Variants in PEX3 observed in about 807,000 individuals in gnomAD.
The protein encoded by PEX3 is peroxin-3.
Under a neutral mutation model 55.8 loss-of-function variants are expected in PEX3, and 30 were observed. That is an observed-to-expected ratio of 0.54 (90% CI 0.40 to 0.73). The LOEUF (loss-of-function observed/expected upper bound fraction) is 0.73, where lower values mean the gene tolerates loss of function less well. Among genes scored for constraint, PEX3 ranks in the 30% least tolerant of loss-of-function variants. PEX3 has a pLI of 0.00. For synonymous variants in PEX3, 135 were observed against 148.4 expected (o/e 0.91, Z 0.66); for missense variants, 351 against 432.8 (o/e 0.81, Z 1.68).
chr6:143,484,545 A>T (rs977712913), intron 10 of PEX3, among the ~76,000 whole-genome samples: 1 of 152,032 alleles, frequency 6.6e-6, no homozygotes, highest in African/African-American at 2.4e-5. Context: ...AGTAGGGGGG[A>T]AATACTCAAC....
chr6:143,479,210 T>C lies in PEX3; in HGVS notation c.941+12T>C, dbSNP rs762228722. On this transcript the variant is annotated intron_variant, in intron 10 of 11. Coordinates refer to ENST00000367591, the MANE Select transcript of PEX3 (RefSeq NM_003630.3). This position sits in a 1 kb window ranked among gnomAD's most constrained non-coding sequence, Gnocchi z 4.6. ...AACTCTATGAATAGGTAAGATGACA[T>C]ATAAAAATGTTATACTAATGAATGC... 5.0e-6 allele frequency: 8 copies of C among 1,592,698 alleles called. No homozygotes were observed. The South Asian group carries it at 5.5e-5, about 11-fold the overall frequency.
chr6:143,472,375 T>G (rs1717089105), intron 8 of PEX3, 47 bp downstream of exon 8: 1 of 1,386,502 alleles, frequency 7.2e-7, no homozygotes, highest in South Asian at 1.2e-5. Flanking sequence ...TCTATTCTTT[T>G]AAAATTTTAC....
chr6:143,489,882 A>G lies in PEX3; in HGVS notation c.*656A>G, dbSNP rs1170303902. ...GTTACATATTGGTTTAGAGGCTAAA[A>G]TTGTGTTGATGCTGTTTACTCACCT... is the stretch of plus-strand genomic sequence containing the variant. On this transcript the variant is annotated 3_prime_UTR_variant, in exon 12 of 12. Transcript: ENST00000367591. The surrounding 1 kb of genome is among the most constrained non-coding windows in gnomAD (Gnocchi z 5.5). 6.6e-6 allele frequency: 1 copy of G among 152,178 alleles called. No homozygotes were observed. Among genetic ancestry groups the G allele is most frequent in the Non-Finnish European group, 1.5e-5 (1 of 68,010 alleles). 9.4% of individuals were successfully genotyped at this position (152,178 alleles called of 1,614,324 possible). A position where few individuals can be genotyped will look rare whatever the true frequency, so the allele number is the denominator to read the frequency against.
At chr6:143,484,988 A>G (rs1043847071) in intron 10 of PEX3, 164 bp from the exon 11 acceptor site, 9 of 608,518 alleles carry the variant, frequency 1.5e-5, no homozygotes, top group African/African-American at 3.7e-5. Context: ...TCATGATGTC[A>G]ATTAGAGTTG....
At position 143,475,983 on chromosome 6, in the gene PEX3, G is replaced by C. The variant is rs1366524526; in HGVS notation, c.818+1127G>C. On this transcript the variant is annotated intron_variant, in intron 9 of 11. Coordinates refer to ENST00000367591, the MANE Select transcript of PEX3 (RefSeq NM_003630.3). The surrounding 1 kb of genome is among the most constrained non-coding windows in gnomAD (Gnocchi z 4.4). The stretch of plus-strand genomic sequence containing the variant: ...CCTACTGGAATGTGTATGTTAGTGG[G>C]AGAGAAAAATAATCAACTAATAAAT... 6.6e-6 allele frequency among the ~76,000 whole-genome samples: 1 copy of C among 152,214 alleles called. No homozygotes were observed. The highest frequency in any genetic ancestry group is 1.5e-5 in the Non-Finnish European group (1 of 68,046).
In PEX3 at chr6:143,485,262, T is replaced by G; in HGVS notation, c.1038+14T>G. ...CATTTTGTTCAGGTAAGAAGAAAGC[T>G]TGGGAGTGTTATTAAAAGCAAATTA... On this transcript the variant is annotated intron_variant, in intron 11 of 11. Coordinates refer to ENST00000367591, the MANE Select transcript of PEX3 (RefSeq NM_003630.3). The surrounding 1 kb of genome is among the most constrained non-coding windows in gnomAD (Gnocchi z 5.6). The G allele has an allele frequency of 7.1e-7, 1 of 1,400,270 alleles. No individual in the cohort carries two copies. Among genetic ancestry groups the G allele is most frequent in the Non-Finnish European group, 1.0e-6 (1 of 985,118 alleles). 86.7% of individuals were successfully genotyped at this position (1,400,270 alleles called of 1,614,324 possible).
Position 143,487,308 on chromosome 6 carries a change from C to T in PEX3, c.1039-1835C>T, listed in dbSNP as rs925925622. ...TAAAGCTGATATAAGTTAGCTATGA[C>T]CTATGAGCCAAATCCAGCCAAGCAC... On this transcript the variant is annotated intron_variant, in intron 11 of 11. Coordinates refer to ENST00000367591, the MANE Select transcript of PEX3 (RefSeq NM_003630.3). The surrounding 1 kb of genome is among the most constrained non-coding windows in gnomAD (Gnocchi z 5.3). Among the ~76,000 whole-genome samples, 2 of 152,070 alleles carry T rather than the reference C, an allele frequency of 1.3e-5. No homozygotes were observed. Among genetic ancestry groups the T allele is most frequent in the South Asian group, 2.1e-4 (1 of 4,832 alleles).
Position 143,474,793 on chromosome 6 carries a change from G to A in PEX3, c.755G>A (p.Gly252Glu). Residue 252 changes from glycine (G) to glutamate (E), a missense_variant, in exon 9 of 12, where the codon GGA becomes GAA. Coordinates refer to ENST00000367591, the MANE Select transcript of PEX3 (RefSeq NM_003630.3). Reference sequence around the variant, plus strand: ...GACATTTTAATTCTATAGGCCTGTGGACTTTCTCCTCGAGACATTACCACT... The same window carrying A: ...GACATTTTAATTCTATAGGCCTGTGAACTTTCTCCTCGAGACATTACCACT... The part of the protein sequence containing the change: ...EETPLAVQAC[G>E]LSPRDITTIK... 2 of 1,573,390 alleles carry A rather than the reference G, an allele frequency of 1.3e-6. No homozygotes were observed. The highest frequency in any genetic ancestry group is 1.1e-5 in the South Asian group (1 of 90,240).
intron 9 of PEX3, among the ~76,000 whole-genome samples, chr6:143,477,437 T>C (rs1780169371): frequency 6.3e-5 from 1 of 15,768 alleles, no homozygotes; most frequent in Admixed American, 7.9e-4. Context: ...GTAGAAAAGC[T>C]CATTAATTTT....
chr6:143,463,042 A>C lies in PEX3; in HGVS notation c.287+45A>C. 7.4e-7 allele frequency: 1 copy of C among 1,348,040 alleles called. No homozygotes were observed. The highest frequency in any genetic ancestry group is 1.1e-6 in the Non-Finnish European group (1 of 937,788). The allele number at this position is 1,348,040 out of a possible 1,614,324, so 83.5% of individuals were successfully genotyped here. ...TTTTCTGTTTAAGCACTACACTTAA[A>C]GTTTATAGAATGAACTGATAGACTT... On this transcript the variant is annotated intron_variant, in intron 3 of 11. Coordinates refer to ENST00000367591, the MANE Select transcript of PEX3 (RefSeq NM_003630.3). The surrounding 1 kb of genome is among the most constrained non-coding windows in gnomAD (Gnocchi z 5.7).
rs77604682 is a variant in PEX3, at chr6:143,486,395, T to C, written c.1038+1147T>C. Among the ~76,000 whole-genome samples, 596 of 152,254 alleles carry C rather than the reference T, an allele frequency of 3.9e-3. 4 individuals are homozygous for C. Among genetic ancestry groups the C allele is most frequent in the African/African-American group, 0.013 (534 of 41,562 alleles). On this transcript the variant is annotated intron_variant, in intron 11 of 11. Coordinates refer to ENST00000367591, the MANE Select transcript of PEX3 (RefSeq NM_003630.3). This position sits in a 1 kb window ranked among gnomAD's most constrained non-coding sequence, Gnocchi z 5.0. ...AATTACAACCAAGCATAAAGCATCA[T>C]CAGCCTTAATGCTTAAATAATTTTA...
chr6:143,470,858 T>A, intron 4 of PEX3, 103 bp from the exon 5 acceptor site: 3 of 880,674 alleles, frequency 3.4e-6, no homozygotes, highest in South Asian at 1.5e-5. Context: ...GTTGTAAATA[T>A]GTTTTTAAAA....
At position 143,468,033 on chromosome 6, in the gene PEX3, T is replaced by A. The variant is rs188409746; in HGVS notation, c.288-89T>A. 1,027 of 758,474 alleles carry A rather than the reference T, an allele frequency of 1.4e-3. 2 individuals carry two copies. The highest frequency in any genetic ancestry group is 2.2e-3 in the Admixed American group (80 of 36,400). The allele number at this position is 758,474 out of a possible 1,614,324, so 47.0% of individuals were successfully genotyped here. ...ATGCTGTGTTGCTTTTAATTTTTTT[T>A]AAAAAGTAAAAATAGATCTATAAAA... On this transcript the variant is annotated intron_variant, in intron 3 of 11. Transcript: ENST00000367591.
rs753426564 is a variant in PEX3, at chr6:143,471,501, T to C, written c.523+52T>C. ...ACTAATTTTAATTCATTTATTTTTA[T>C]TATTGAGGAATTTTTAAACTAAGCA... On this transcript the variant is annotated intron_variant, in intron 6 of 11. Coordinates refer to ENST00000367591, the MANE Select transcript of PEX3 (RefSeq NM_003630.3). This position sits in a 1 kb window ranked among gnomAD's most constrained non-coding sequence, Gnocchi z 5.4. 6.4e-7 allele frequency: 1 copy of C among 1,563,598 alleles called. No homozygotes were observed. Among genetic ancestry groups the C allele is most frequent in the Non-Finnish European group, 8.8e-7 (1 of 1,135,228 alleles).
At position 143,482,309 on chromosome 6, in the gene PEX3, T is replaced by C. The variant is rs1260472328; in HGVS notation, c.942-2843T>C. Among the ~76,000 whole-genome samples, 1 of 152,144 alleles carries C rather than the reference T, an allele frequency of 6.6e-6. No homozygotes were observed. The highest frequency in any genetic ancestry group is 1.5e-5 in the Non-Finnish European group (1 of 68,000). ...TGACCGTTGGTTTTCTAAGTTAAAC[T>C]CATGCTATCTTTAAAAATGATATCA... On this transcript the variant is annotated intron_variant, in intron 10 of 11. Transcript: ENST00000367591. The surrounding 1 kb of genome is among the most constrained non-coding windows in gnomAD (Gnocchi z 5.5).
rs1420399237 is a variant in PEX3 at position 143,483,965 on chromosome 6, C to T, written c.942-1187C>T. On this transcript the variant is annotated intron_variant, in intron 10 of 11. Transcript: ENST00000367591. This position sits in a 1 kb window ranked among gnomAD's most constrained non-coding sequence, Gnocchi z 4.3. The stretch of plus-strand genomic sequence containing the variant: ...GGTACCATGAAAAAAAAAATGCCTG[C>T]TTCCCTCAGGAATACATAAATCTTC... Among the ~76,000 whole-genome samples the T allele has an allele frequency of 1.3e-5, 2 of 151,928 alleles. No individual in the cohort carries two copies. Among genetic ancestry groups the T allele is most frequent in the Non-Finnish European group, 2.9e-5 (2 of 67,960 alleles).
rs1256806891 is a variant in PEX3 at position 143,486,965 on chromosome 6, C to T, written c.1038+1717C>T. Among the ~76,000 whole-genome samples the T allele has an allele frequency of 6.6e-6, 1 of 152,198 alleles. No individual in the cohort carries two copies. Among genetic ancestry groups the T allele is most frequent in the Non-Finnish European group, 1.5e-5 (1 of 68,020 alleles). On this transcript the variant is annotated intron_variant, in intron 11 of 11. Transcript: ENST00000367591. The surrounding 1 kb of genome is among the most constrained non-coding windows in gnomAD (Gnocchi z 5.0). ...TTCAACAAAACTTTATATACAAAAA[C>T]AGGCGGCAGTGGATTTGGCCTGCAG...
At chr6:143,478,971 G>A (rs1365965086) in intron 9 of PEX3, 105 bp from the exon 10 acceptor site, 3 of 689,288 alleles carry the variant, frequency 4.4e-6, no homozygotes, top group Non-Finnish European at 8.0e-6. Context: ...ATTAGATTAT[G>A]ACTAGAAATG....
chr6:143,455,467 G>A (rs199883257), intron 1 of PEX3, among the ~76,000 whole-genome samples: 4 of 142,440 alleles, frequency 2.8e-5, no homozygotes, highest in African/African-American at 5.2e-5. Context: ...CGCCCACCTC[G>A]GCCTCCCAAA....
Sources: allele counts gnomAD v4.1 joint callset (sites outside exome capture counted in the v4.1 genomes callset), GRCh38; gene constraint gnomAD v4.1.1; non-coding constraint Gnocchi (gnomAD v3.1); transcripts MANE v1.5; gene names NCBI Gene and HGNC (gene_info 2026-07-23, HGNC 2026-07-21).